SPINK5: variants seen among roughly 807,000 people sequenced by gnomAD.
SPINK5 encodes the protein serine protease inhibitor Kazal-type 5.
Under a neutral mutation model 151.8 loss-of-function variants are expected in SPINK5, and 125 were observed. The ratio of observed to expected loss-of-function variants is 0.82; its 90% CI spans 0.71 to 0.96. The LOEUF (loss-of-function observed/expected upper bound fraction) is 0.96. SPINK5 is among the 40% of genes least tolerant of loss of function. The pLI is 0.00. For missense variants in SPINK5, 1,194 were observed against 1,291.9 expected, an observed-to-expected ratio of 0.92 and a Z score of 1.16; for synonymous variants, 374 against 395.3, an observed-to-expected ratio of 0.95 and a Z score of 0.64.
chr5:148,132,740 G>A (rs1754603525), intron 31 of SPINK5, among the ~76,000 whole-genome samples: 1 of 152,038 alleles, frequency 6.6e-6, no homozygotes, highest in Non-Finnish European at 1.5e-5. Context: ...AAAGACCAAA[G>A]ATTCCTTAGA....
chr5:148,135,574 T>C (rs1224825657), intron 32 of SPINK5, among the ~76,000 whole-genome samples: 1 of 152,180 alleles, frequency 6.6e-6, no homozygotes, highest in Non-Finnish European at 1.5e-5. Context: ...TATTATGCTG[T>C]TAGTTAATGA....
At chr5:148,119,476 C>T (rs1754193015) in intron 24 of SPINK5, among the ~76,000 whole-genome samples, 1 of 152,114 alleles carries the variant, frequency 6.6e-6, no homozygotes, top group Admixed American at 6.5e-5. Context: ...TTCTGGATTC[C>T]ATAAGTTTTA....
chr5:148,124,874 T>C, intron 28 of SPINK5, 37 bp downstream of exon 28: 1 of 1,542,722 alleles, frequency 6.5e-7, no homozygotes, highest in Non-Finnish European at 8.7e-7. Flanking sequence ...ACCATTTTAC[T>C]TTTCACCTTC....
intron 4 of SPINK5, among the ~76,000 whole-genome samples, chr5:148,083,888 C>A (rs1447832056): frequency 6.6e-6 from 1 of 151,526 alleles, no homozygotes; most frequent in African/African-American, 2.4e-5. Flanking sequence ...TTGATCTGAT[C>A]ATCTGGTTCA....
chr5:148,102,145 A>T (rs1753664047), intron 15 of SPINK5, among the ~76,000 whole-genome samples: 1 of 152,128 alleles, frequency 6.6e-6, no homozygotes, highest in Non-Finnish European at 1.5e-5. Context: ...ATAATGTGTG[A>T]TGTCTCTTAT....
At chr5:148,067,545 T>C (rs190247490) in intron 2 of SPINK5, among the ~76,000 whole-genome samples, 1 of 152,282 alleles carries the variant, frequency 6.6e-6, no homozygotes, top group Admixed American at 6.5e-5. Context: ...TGCTTTCCAT[T>C]TTTATGGTCT....
intron 15 of SPINK5, among the ~76,000 whole-genome samples, chr5:148,103,822 G>T (rs1181769669): frequency 6.6e-6 from 1 of 152,034 alleles, no homozygotes; most frequent in Non-Finnish European, 1.5e-5. Flanking sequence ...GTTTTAGTTT[G>T]ATCTATGTGC....
chr5:148,096,669 CCACTCCATCAGGCCA>C (rs915424938), intron 10 of SPINK5, among the ~76,000 whole-genome samples: 6 of 151,802 alleles, frequency 4.0e-5, no homozygotes, highest in Non-Finnish European at 8.8e-5. Context: ...CCTAAGTAAG[CCACTCCATCAGGCCA>C]CCCTCTGCCA....
chr5:148,095,797 CATTT>C lies in SPINK5; in HGVS notation c.795-16_795-13del, dbSNP rs751037302. The C allele has an allele frequency of 1.3e-5, 21 of 1,584,690 alleles. No individual in the cohort carries two copies. Among genetic ancestry groups the C allele is most frequent in the Admixed American group, 1.7e-5 (1 of 59,720 alleles). ...CATGAAGATCGGAAGCATCTCTACT[CATTT>C]ATTTTACTTTTTCCAGCAAGCAGCG... On this transcript the variant is annotated splice_polypyrimidine_tract_variant and intron_variant, in intron 9 of 32. Coordinates refer to ENST00000256084, the MANE Select transcript of SPINK5 (RefSeq NM_006846.4).
In SPINK5 at chr5:148,086,527, G is replaced by T. The variant is rs770833255; in HGVS notation, c.405G>T (p.Glu135Asp). ...TYDNRCALCA[E>D]NAKTGSQIGV... ...ACAACAGATGTGCACTGTGTGCTGA[G>T]AATGCGTGAGTATTCTCTGAAGTAG... is the stretch of plus-strand genomic sequence containing the variant. The change falls in exon 5 of 33, where the codon GAG becomes GAT. Residue 135 changes from glutamate to aspartate, a missense_variant. By Grantham distance (45) the Glu-to-Asp change is conservative. Transcript: ENST00000256084. 6.2e-7 allele frequency: 1 copy of T among 1,611,020 alleles called. No homozygotes were observed. The highest frequency in any genetic ancestry group is 2.2e-5 in the East Asian group (1 of 44,712).
At chr5:148,122,757 T>C (rs1581104614) in intron 26 of SPINK5, among the ~76,000 whole-genome samples, 1 of 152,246 alleles carries the variant, frequency 6.6e-6, no homozygotes, top group African/African-American at 2.4e-5. Context: ...AGCTCTGAGA[T>C]TTATTTTTCT....
chr5:148,106,407 G>A (rs1753784186), intron 16 of SPINK5, among the ~76,000 whole-genome samples: 1 of 151,828 alleles, frequency 6.6e-6, no homozygotes. Flanking sequence ...CTACAACTTC[G>A]AACTCCTGGG....
At chr5:148,091,266 C>A in intron 8 of SPINK5, 38 bp downstream of exon 8, 1 of 1,577,526 alleles carries the variant, frequency 6.3e-7, no homozygotes, top group South Asian at 1.1e-5. Context: ...TTCTTGTGGC[C>A]ATATTTATTA....
At chr5:148,129,573 AC>A (rs1419045854) in intron 30 of SPINK5, among the ~76,000 whole-genome samples, 1 of 152,172 alleles carries the variant, frequency 6.6e-6, no homozygotes, top group Non-Finnish European at 1.5e-5. Flanking sequence ...AGCACCAGTT[AC>A]CTGAAAAAAT....
chr5:148,082,167 CT>C (rs76687076), intron 4 of SPINK5, among the ~76,000 whole-genome samples: 4,816 of 151,336 alleles, frequency 0.032, 163 homozygotes, highest in South Asian at 0.14. Context: ...TACTAGAAAT[CT>C]TTTATATCAG....
chr5:148,118,926 G>A, intron 23 of SPINK5, 60 bp from the exon 24 acceptor site: 1 of 1,540,600 alleles, frequency 6.5e-7, no homozygotes, highest in South Asian at 1.1e-5. Context: ...GACACACTTA[G>A]TGCATAATCC....
intron 4 of SPINK5, among the ~76,000 whole-genome samples, chr5:148,082,412 AC>A (rs1230264218): frequency 6.6e-6 from 1 of 150,676 alleles, no homozygotes; most frequent in Non-Finnish European, 1.5e-5. Context: ...TAATTTCTCT[AC>A]CCCTAATGTT....
chr5:148,072,183 A>G lies in SPINK5; in HGVS notation c.245A>G (p.His82Arg). 2 of 1,612,442 alleles carry G rather than the reference A, an allele frequency of 1.2e-6. No individual in the cohort carries two copies. The highest frequency in any genetic ancestry group is 8.5e-7 in the Non-Finnish European group (1 of 1,178,836). ...GCAAAATCACAGAAGAGGGCCAGGC[A>G]TTTAGCAAGAGCTCCCAAGGCTACT... is the stretch of plus-strand genomic sequence containing the variant. ...KEAKSQKRAR[H>R]LARAPKATAP... The change falls in exon 4 of 33, where the codon CAT becomes CGT. Residue 82 changes from histidine (H) to arginine (R), a missense_variant. Coordinates refer to ENST00000256084, the MANE Select transcript of SPINK5 (RefSeq NM_006846.4).
At chr5:148,120,628 A>C (rs747237601) in intron 26 of SPINK5, among the ~76,000 whole-genome samples, 4 of 152,100 alleles carry the variant, frequency 2.6e-5, no homozygotes, top group Non-Finnish European at 4.4e-5. Context: ...TTAGCCAGTG[A>C]ATTTCATTTT....
Sources: allele counts gnomAD v4.1 joint callset (sites outside exome capture counted in the v4.1 genomes callset), GRCh38; gene constraint gnomAD v4.1.1; transcripts MANE v1.5; gene names NCBI Gene and HGNC (gene_info 2026-07-23, HGNC 2026-07-21).